The following IDH3A variants were observed in gnomAD, a reference collection of about 807,000 sequenced individuals.
IDH3A encodes the protein isocitrate dehydrogenase [NAD] subunit alpha, mitochondrial.
A neutral mutation model predicts 43.3 loss-of-function variants in IDH3A; 23 were observed. That is an observed-to-expected ratio of 0.53 (90% CI 0.38 to 0.75). The LOEUF is 0.75. Ranked by LOEUF, IDH3A falls within the 30% of genes least tolerant of loss-of-function variation. The pLI, the probability that IDH3A is intolerant of heterozygous loss-of-function variation, is 0.00. For synonymous variants in IDH3A, 154 were observed against 163.5 expected (o/e 0.94, Z 0.44); for missense variants, 329 against 474.4 (o/e 0.69, Z 2.85).
chr15:78,157,353 A>G, intron 2 of IDH3A, 195 bp from the exon 3 acceptor site: 1 of 594,948 alleles, frequency 1.7e-6, no homozygotes, highest in Admixed American at 3.8e-5. Flanking sequence ...GGTAAAGAGT[A>G]GGATTGCAGA....
In IDH3A at chr15:78,170,114, G is replaced by GGCTTGA. The variant is rs1476589103; in HGVS notation, c.*1121_*1126dup. ...AATTCACAAAATTATGCCATGCTGG[G>GGCTTGA]GCTTGAGCTTGAGCTTGGGCTTAGG... On this transcript the variant is annotated 3_prime_UTR_variant, in exon 11 of 11. Coordinates refer to ENST00000299518, the MANE Select transcript of IDH3A (RefSeq NM_005530.3). The GGCTTGA allele has an allele frequency of 6.6e-6, 1 of 152,180 alleles. No individual in the cohort carries two copies. The highest frequency in any genetic ancestry group is 2.4e-5 in the African/African-American group (1 of 41,430). The allele number at this position is 152,180 out of a possible 1,614,324, so 9.4% of individuals were successfully genotyped here.
In IDH3A at chr15:78,161,870, T is replaced by A; in HGVS notation, c.477+102T>A. The A allele has an allele frequency of 9.6e-7, 1 of 1,044,370 alleles. No homozygotes were observed. Among genetic ancestry groups the A allele is most frequent in the East Asian group, 2.4e-5 (1 of 41,834 alleles). 64.7% of individuals were successfully genotyped at this position (1,044,370 alleles called of 1,614,324 possible). Reference sequence around the variant, plus strand: ...CTTTATCTCTGTGAGGAGTTGTGGGTGTTTGTCTTGGTGCTGGGTGTCTGG... The same window carrying A: ...CTTTATCTCTGTGAGGAGTTGTGGGAGTTTGTCTTGGTGCTGGGTGTCTGG... On this transcript the variant is annotated intron_variant, in intron 5 of 10. Coordinates refer to ENST00000299518, the MANE Select transcript of IDH3A (RefSeq NM_005530.3). This position sits in a 1 kb window ranked among gnomAD's most constrained non-coding sequence, Gnocchi z 4.8.
Position 78,169,083 on chromosome 15 carries a change from T to G in IDH3A, c.*78T>G. The G allele has an allele frequency of 1.2e-6, 1 of 824,212 alleles. No individual in the cohort carries two copies. The highest frequency in any genetic ancestry group is 1.7e-5 in the African/African-American group (1 of 59,130). 51.1% of individuals were successfully genotyped at this position (824,212 alleles called of 1,614,324 possible). The stretch of plus-strand genomic sequence containing the variant: ...CCTCTGTTTAGAATACCTACGTATG[T>G]ATGCATTGGTTTGCTTGTTTCTTGA... On this transcript the variant is annotated 3_prime_UTR_variant, in exon 11 of 11. Coordinates refer to ENST00000299518, the MANE Select transcript of IDH3A (RefSeq NM_005530.3).
intron 9 of IDH3A, among the ~76,000 whole-genome samples, chr15:78,165,819 G>A (rs1160860505): frequency 6.6e-6 from 1 of 152,072 alleles, no homozygotes; most frequent in Non-Finnish European, 1.5e-5. Context: ...CTCCCAAGTA[G>A]CTGGCACTGT....
intron 5 of IDH3A, 56 bp from the exon 6 acceptor site, chr15:78,162,178 T>A (rs552733189): frequency 3.1e-6 from 5 of 1,604,324 alleles, no homozygotes; most frequent in African/African-American, 1.3e-5. Context: ...ACCCTCTGTC[T>A]CCCACTGCGT....
At position 78,160,209 on chromosome 15, in the gene IDH3A, A is replaced by G. The variant is rs368923359; in HGVS notation, c.289+3A>G. The G allele has an allele frequency of 3.3e-6, 5 of 1,525,494 alleles. No individual in the cohort carries two copies. The highest frequency in any genetic ancestry group is 3.6e-6 in the Non-Finnish European group (4 of 1,099,022). 94.5% of individuals were successfully genotyped at this position (1,525,494 alleles called of 1,614,324 possible). ...TAAGAACAAGATGGGCTTGAAAGGT[A>G]GCACTGAAGTAGAGACGGGGGTTTT... On this transcript the variant is annotated splice_donor_region_variant and intron_variant, in intron 4 of 10. Coordinates refer to ENST00000299518, the MANE Select transcript of IDH3A (RefSeq NM_005530.3).
intron 3 of IDH3A, among the ~76,000 whole-genome samples, chr15:78,158,036 G>A (rs1259109414): frequency 6.6e-6 from 1 of 152,010 alleles, no homozygotes; most frequent in Non-Finnish European, 1.5e-5. Context: ...AAGTAGTACT[G>A]CAGTATTTGT....
intron 2 of IDH3A, chr15:78,157,239 T>C (rs2074630227): frequency 3.2e-6 from 3 of 952,370 alleles, no homozygotes; most frequent in East Asian, 5.9e-5. Context: ...TCTTTGCAGC[T>C]TGTCTGAAAA....
intron 3 of IDH3A, among the ~76,000 whole-genome samples, chr15:78,159,594 C>T (rs2074660497): frequency 6.6e-6 from 1 of 152,148 alleles, no homozygotes; most frequent in Non-Finnish European, 1.5e-5. Flanking sequence ...GATGACTGGG[C>T]ACAGATAATG....
At position 78,160,144 on chromosome 15, in the gene IDH3A, G is replaced by C. The variant is rs776077572; in HGVS notation, c.227G>C (p.Gly76Ala). ...GTCACTGCCATTCAAGGACCTGGAG[G>C]AAAGTGGATGATCCCTTCAGAGGCT... ...RNVTAIQGPG[G>A]KWMIPSEAKE... Residue 76 changes from glycine (G) to alanine (A), a missense_variant, in exon 4 of 11, where the codon GGA (glycine) becomes GCA (alanine). This residue lies in a region of IDH3A where 212 missense variants were observed against 345.5 expected (regional missense o/e 0.61). Coordinates refer to ENST00000299518, the MANE Select transcript of IDH3A (RefSeq NM_005530.3). 6.2e-7 allele frequency: 1 copy of C among 1,613,872 alleles called. No homozygotes were observed. The highest frequency in any genetic ancestry group is 2.2e-5 in the East Asian group (1 of 44,878).
intron 9 of IDH3A, 146 bp from the exon 10 acceptor site, chr15:78,166,004 C>T: frequency 2.8e-6 from 2 of 716,878 alleles, no homozygotes; most frequent in Non-Finnish European, 4.7e-6. Context: ...TTTATTTCTT[C>T]AGTCCATATC....
At position 78,161,447 on chromosome 15, in the gene IDH3A, CCTT is replaced by C; in HGVS notation, c.290-132_290-130del. 1.5e-6 allele frequency: 1 copy of C among 654,876 alleles called. No homozygotes were observed. 40.6% of individuals were successfully genotyped at this position (654,876 alleles called of 1,614,324 possible). A position where few individuals can be genotyped will look rare whatever the true frequency, so the allele number is the denominator to read the frequency against. On this transcript the variant is annotated intron_variant, in intron 4 of 10. Coordinates refer to ENST00000299518, the MANE Select transcript of IDH3A (RefSeq NM_005530.3). The surrounding 1 kb of genome is among the most constrained non-coding windows in gnomAD (Gnocchi z 4.8). ...AAAGCTCCCGTGAGGAAGTGTTCCT[CCTT>C]CATTTGAATCTCAGGTAGAGAGTGA...
chr15:78,153,389 A>C (rs767871613), intron 1 of IDH3A, among the ~76,000 whole-genome samples: 100 of 152,208 alleles, frequency 6.6e-4, no homozygotes, highest in Admixed American at 2.2e-3. Context: ...GAGAGGAGAA[A>C]GGACACATGT....
Position 78,166,301 on chromosome 15 carries a change from A to C in IDH3A, c.1016A>C (p.Lys339Thr). ...AACFATIKDG[K>T]SLTKDLGGNA... ...TGTTTTGCTACAATTAAGGACGGAAAGGTAACAGGAATCTTGATTTACTTG... is the reference window on the plus strand; with the variant it reads ...TGTTTTGCTACAATTAAGGACGGAACGGTAACAGGAATCTTGATTTACTTG... The change falls in exon 10 of 11, where the codon AAG becomes ACG. Residue 339 changes from lysine to threonine, a missense_variant and splice_region_variant. Physicochemically the swap from Lys to Thr is moderately conservative, Grantham distance 78. Around this residue, in one of 3 missense-constraint regions of IDH3A, gnomAD observed 91 missense variants for 111.6 expected, o/e 0.82. Coordinates refer to ENST00000299518, the MANE Select transcript of IDH3A (RefSeq NM_005530.3). 1 of 1,614,120 alleles carries C rather than the reference A, an allele frequency of 6.2e-7. No individual in the cohort carries two copies. The highest frequency in any genetic ancestry group is 1.1e-5 in the South Asian group (1 of 91,090).
At chr15:78,164,552 A>G (rs12441406) in intron 8 of IDH3A, among the ~76,000 whole-genome samples, 23,235 of 152,064 alleles carry the variant, frequency 0.15, 2,880 homozygotes, top group East Asian at 0.58. Context: ...GGGTTTCGCC[A>G]TGTTGGCCAG....
intron 1 of IDH3A, among the ~76,000 whole-genome samples, chr15:78,154,088 TGTA>T (rs1348684156): frequency 1.3e-5 from 2 of 152,052 alleles, no homozygotes; most frequent in Non-Finnish European, 2.9e-5. Flanking sequence ...TTTATAATAA[TGTA>T]GTATGACTTT....
At position 78,161,104 on chromosome 15, in the gene IDH3A, A is replaced by G. The variant is rs1244560773; in HGVS notation, c.290-477A>G. Among the ~76,000 whole-genome samples, 1 of 151,434 alleles carries G rather than the reference A, an allele frequency of 6.6e-6. No homozygotes were observed. The highest frequency in any genetic ancestry group is 1.5e-5 in the Non-Finnish European group (1 of 67,862). ...CCCATGTTGGCCAGGCTGGTCTTGG[A>G]CTCCTGACCTCAAGCGATCCGCCTG... On this transcript the variant is annotated intron_variant, in intron 4 of 10. Coordinates refer to ENST00000299518, the MANE Select transcript of IDH3A (RefSeq NM_005530.3). This position sits in a 1 kb window ranked among gnomAD's most constrained non-coding sequence, Gnocchi z 4.8.
In IDH3A at chr15:78,149,424, C is replaced by A. The variant is rs767529336; in HGVS notation, c.21C>A (p.Ile7=). The A allele has an allele frequency of 6.4e-7, 1 of 1,553,120 alleles. No homozygotes were observed. The highest frequency in any genetic ancestry group is 8.6e-7 in the Non-Finnish European group (1 of 1,156,796). The change falls in exon 1 of 11, where the codon ATC becomes ATA. Residue 7 remains isoleucine (I), a synonymous_variant. Coordinates refer to ENST00000299518, the MANE Select transcript of IDH3A (RefSeq NM_005530.3). The stretch of plus-strand genomic sequence containing the variant: ...AAGCGATGGCTGGGCCCGCGTGGAT[C>A]TCTAAGGTGAGCGCTGGCAGGCCGG... MAGPAW[I]SKVSRLLGAF... is the part of the protein sequence containing the mutation.
chr15:78,166,638 T>C (rs115513235), intron 10 of IDH3A, among the ~76,000 whole-genome samples: 6,839 of 152,204 alleles, frequency 0.045, 267 homozygotes, highest in African/African-American at 0.1. Flanking sequence ...GCCAAGTTCA[T>C]TGATTTTTTT....
Sources: gnomAD v4.1 joint callset for allele counts (sites outside exome capture counted in the v4.1 genomes callset) on GRCh38, gnomAD v4.1.1 for gene constraint, gnomAD v4.1.1 regional missense constraint, Gnocchi (gnomAD v3.1) non-coding constraint, MANE v1.5 for transcripts, NCBI Gene and HGNC (gene_info 2026-07-23, HGNC 2026-07-21) for gene names.